Variants in TRPS1 observed in about 807,000 individuals in gnomAD.
TRPS1 encodes the protein zinc finger transcription factor Trps1.
Under a neutral mutation model 101.2 loss-of-function variants are expected in TRPS1, and 6 were observed. That is an observed-to-expected ratio of 0.06 (90% CI 0.03 to 0.12). The LOEUF (loss-of-function observed/expected upper bound fraction) is 0.12, where lower values mean the gene tolerates loss of function less well. TRPS1 is among the 10% of genes least tolerant of loss of function. The pLI, the probability that TRPS1 is intolerant of heterozygous loss-of-function variation, is 1.00. For synonymous variants in TRPS1, 578 were observed against 589.8 expected (o/e 0.98, Z 0.29); for missense variants, 1,363 against 1,567.0 (o/e 0.87, Z 2.20).
At chr8:115,566,361 C>G (rs948801721) in intron 5 of TRPS1, among the ~76,000 whole-genome samples, 1 of 152,128 alleles carries the variant, frequency 6.6e-6, no homozygotes, top group African/African-American at 2.4e-5. Flanking sequence ...GAATACACAC[C>G]TGTTGCTCAA....
intron 1 of TRPS1, among the ~76,000 whole-genome samples, chr8:115,647,031 G>A (rs1028916947): frequency 4.6e-5 from 7 of 151,946 alleles, no homozygotes; most frequent in East Asian, 1.9e-4. Context: ...TAAAATTAAC[G>A]AAGAAATCAA....
intron 1 of TRPS1, among the ~76,000 whole-genome samples, chr8:115,626,153 A>C (rs1355801280): frequency 6.6e-6 from 1 of 151,746 alleles, no homozygotes; most frequent in Non-Finnish European, 1.5e-5. Context: ...CAAAGAATTT[A>C]AAGAATTAAG....
chr8:115,460,037 GATTA>G (rs1586295487), intron 5 of TRPS1, among the ~76,000 whole-genome samples: 2 of 152,118 alleles, frequency 1.3e-5, no homozygotes, highest in African/African-American at 4.8e-5. Flanking sequence ...GCTCATTAAA[GATTA>G]ATTGTTTTCA....
chr8:115,550,078 G>A (rs1385955974), intron 5 of TRPS1, among the ~76,000 whole-genome samples: 2 of 152,034 alleles, frequency 1.3e-5, no homozygotes, highest in Admixed American at 6.6e-5. Context: ...TTAGCCAGGC[G>A]TGGTGGTGGG....
At chr8:115,632,311 T>C (rs1229148267) in intron 1 of TRPS1, among the ~76,000 whole-genome samples, 1 of 152,158 alleles carries the variant, frequency 6.6e-6, no homozygotes, top group Non-Finnish European at 1.5e-5. Context: ...CAAAATATAC[T>C]ATACAAGTAG....
chr8:115,510,468 T>G (rs1815556835), intron 5 of TRPS1, among the ~76,000 whole-genome samples: 1 of 152,002 alleles, frequency 6.6e-6, no homozygotes, highest in African/African-American at 2.4e-5. Context: ...CTTCCTAAGC[T>G]ATAAATCTTA....
intron 5 of TRPS1, among the ~76,000 whole-genome samples, chr8:115,432,020 A>T (rs956257027): frequency 1.6e-4 from 25 of 151,814 alleles, no homozygotes; most frequent in African/African-American, 6.0e-4. Flanking sequence ...TTTTCAAAAA[A>T]AGTAGCTTCA....
chr8:115,520,320 A>G (rs148607938), intron 5 of TRPS1, among the ~76,000 whole-genome samples: 1,785 of 151,786 alleles, frequency 0.012, 30 homozygotes, highest in Middle Eastern at 0.051. Flanking sequence ...AGTACAGAAA[A>G]AAGAAATAAC....
chr8:115,633,935 C>T (rs1183077365), intron 1 of TRPS1, among the ~76,000 whole-genome samples: 1 of 151,984 alleles, frequency 6.6e-6, no homozygotes, highest in Non-Finnish European at 1.5e-5. Context: ...CAACTTTATG[C>T]CTGGTTAATA....
At chr8:115,622,085 G>T (rs546240095) in intron 2 of TRPS1, among the ~76,000 whole-genome samples, 1 of 152,130 alleles carries the variant, frequency 6.6e-6, no homozygotes, top group African/African-American at 2.4e-5. Flanking sequence ...TGGCGTTGAG[G>T]CAATGTAAAC....
At chr8:115,463,848 T>C (rs1324008919) in intron 5 of TRPS1, among the ~76,000 whole-genome samples, 1 of 151,914 alleles carries the variant, frequency 6.6e-6, no homozygotes, top group Non-Finnish European at 1.5e-5. Context: ...CCACAGCTTA[T>C]AAAGTACATG....
chr8:115,486,618 G>A (rs1814886308), intron 5 of TRPS1, among the ~76,000 whole-genome samples: 1 of 152,182 alleles, frequency 6.6e-6, no homozygotes, highest in South Asian at 2.1e-4. Context: ...TGATAAAATA[G>A]CAAAATTACC....
intron 5 of TRPS1, among the ~76,000 whole-genome samples, chr8:115,525,216 T>C (rs574966885): frequency 6.6e-6 from 1 of 152,210 alleles, no homozygotes; most frequent in Non-Finnish European, 1.5e-5. Context: ...CATACGAGGA[T>C]TGTATAGTAA....
intron 1 of TRPS1, among the ~76,000 whole-genome samples, chr8:115,653,938 T>C (rs1424236801): frequency 6.6e-6 from 1 of 152,256 alleles, no homozygotes; most frequent in Non-Finnish European, 1.5e-5. Flanking sequence ...TCTTTCTGCA[T>C]GGTATTTACC....
intron 1 of TRPS1, among the ~76,000 whole-genome samples, chr8:115,645,675 T>A (rs112742379): frequency 1.2e-3 from 178 of 152,304 alleles, no homozygotes; most frequent in African/African-American, 4.1e-3. Context: ...TCATATTTTT[T>A]AAATCATGTA....
At chr8:115,526,983 A>G (rs1023303854) in intron 5 of TRPS1, among the ~76,000 whole-genome samples, 1 of 152,072 alleles carries the variant, frequency 6.6e-6, no homozygotes, top group African/African-American at 2.4e-5. Flanking sequence ...CCTACCCTCT[A>G]ATATATGTAT....
chr8:115,628,352 A>C (rs1270918604), intron 1 of TRPS1, among the ~76,000 whole-genome samples: 1 of 151,732 alleles, frequency 6.6e-6, no homozygotes, highest in Non-Finnish European at 1.5e-5. Flanking sequence ...AAAATACAAA[A>C]TTTGGTTTAG....
intron 5 of TRPS1, among the ~76,000 whole-genome samples, chr8:115,581,464 C>T (rs545858420): frequency 6.6e-6 from 1 of 152,036 alleles, no homozygotes; most frequent in South Asian, 2.1e-4. Flanking sequence ...TACCCTAATC[C>T]TTCCACCACA....
intron 1 of TRPS1, among the ~76,000 whole-genome samples, chr8:115,642,849 A>AAAAT (rs981274987): frequency 6.8e-6 from 1 of 146,044 alleles, no homozygotes; most frequent in African/African-American, 2.5e-5. Flanking sequence ...CGTGAAAAAA[A>AAAAT]ATATATATAT....
Sources: allele counts gnomAD v4.1 joint callset (sites outside exome capture counted in the v4.1 genomes callset), GRCh38; gene constraint gnomAD v4.1.1; transcripts MANE v1.5; gene names NCBI Gene and HGNC (gene_info 2026-07-23, HGNC 2026-07-21).